TRPV4: variants seen among roughly 807,000 people sequenced by gnomAD.
TRPV4 encodes OSM9-like transient receptor potential channel 4.
Under a neutral mutation model 84.1 loss-of-function variants are expected in TRPV4, and 58 were observed. The ratio of observed to expected loss-of-function variants is 0.69; its 90% CI spans 0.56 to 0.86. The LOEUF (loss-of-function observed/expected upper bound fraction) is 0.86, where lower values mean the gene tolerates loss of function less well. Among genes scored for constraint, TRPV4 ranks in the 40% least tolerant of loss-of-function variants. TRPV4 has a pLI of 0.00. For synonymous variants in TRPV4, 489 were observed against 500.9 expected (o/e 0.98, Z 0.32); for missense variants, 879 against 1,181.1 (o/e 0.74, Z 3.75).
intron 1 of TRPV4, among the ~76,000 whole-genome samples, chr12:109,818,393 G>T (rs779457589): frequency 6.6e-6 from 1 of 151,494 alleles, no homozygotes; most frequent in Non-Finnish European, 1.5e-5. Flanking sequence ...GAGAAAATCT[G>T]CCCTGGAGGT....
At chr12:109,797,858 C>T (rs532347535) in intron 6 of TRPV4, among the ~76,000 whole-genome samples, 1 of 152,170 alleles carries the variant, frequency 6.6e-6, no homozygotes, top group African/African-American at 2.4e-5. Context: ...ATGTGGATCA[C>T]CGCATTTGTC....
At chr12:109,823,232 GTT>G (rs757056146) in intron 1 of TRPV4, among the ~76,000 whole-genome samples, 57 of 152,208 alleles carry the variant, frequency 3.7e-4, no homozygotes, top group Non-Finnish European at 7.2e-4. Context: ...CCCGCTTCCT[GTT>G]TGCTGCACAG....
rs1010506374 is a variant in TRPV4 at position 109,786,792 on chromosome 12, G to A, written c.2254C>T (p.Leu752=). Residue 752 remains leucine (L), a synonymous_variant, in exon 14 of 16, where the codon CTG becomes TTG. Coordinates refer to ENST00000261740, the MANE Select transcript of TRPV4 (RefSeq NM_021625.5). The surrounding 1 kb of genome is among the most constrained non-coding windows in gnomAD (Gnocchi z 4.5). Reference sequence around the variant, plus strand: ...TCCCCAGAGCGGAAGGCCTTCCTCAGGAATACGGGGAAGGAGCGCTCAATG... The same window carrying A: ...TCCCCAGAGCGGAAGGCCTTCCTCAAGAATACGGGGAAGGAGCGCTCAATG... ...LDIERSFPVF[L]RKAFRSGEMV... 1.2e-6 allele frequency: 2 copies of A among 1,613,938 alleles called. No homozygotes were observed. The highest frequency in any genetic ancestry group is 1.7e-6 in the Non-Finnish European group (2 of 1,180,036).
chr12:109,808,426 G>T lies in TRPV4; in HGVS notation c.429C>A (p.Pro143=). 1 of 1,614,106 alleles carries T rather than the reference G, an allele frequency of 6.2e-7. No homozygotes were observed. The highest frequency in any genetic ancestry group is 8.5e-7 in the Non-Finnish European group (1 of 1,179,990). ...GCCGGTTGAAGACTTTGAGGATGGGGGGCGGCTGAGGGGCAGGGGCTTTGG... is the reference window on the plus strand; with the variant it reads ...GCCGGTTGAAGACTTTGAGGATGGGTGGCGGCTGAGGGGCAGGGGCTTTGG... ...QSPKAPAPQP[P]PILKVFNRPI... The change falls in exon 3 of 16, where the codon CCC becomes CCA. Residue 143 remains proline, a synonymous_variant. Transcript: ENST00000261740.
In TRPV4 at chr12:109,783,808, TG is replaced by T. The variant is rs1208026108; in HGVS notation, c.2459-31del. On this transcript the variant is annotated intron_variant, in intron 15 of 15. Coordinates refer to ENST00000261740, the MANE Select transcript of TRPV4 (RefSeq NM_021625.5). This position sits in a 1 kb window ranked among gnomAD's most constrained non-coding sequence, Gnocchi z 4.6. ...ACCGAGAGCACATCAGAGGGAGGGG[TG>T]GGGGTTGGTGGAGAGAGAGCGTGCG... 2 of 1,597,524 alleles carry T rather than the reference TG, an allele frequency of 1.3e-6. No homozygotes were observed. The highest frequency in any genetic ancestry group is 3.4e-5 in the Admixed American group (2 of 58,608).
chr12:109,826,050 G>T (rs923623135), intron 1 of TRPV4, among the ~76,000 whole-genome samples: 3 of 152,138 alleles, frequency 2.0e-5, no homozygotes, highest in Non-Finnish European at 4.4e-5. Context: ...TTGAGACAGG[G>T]TATGGCTTTG....
intron 1 of TRPV4, among the ~76,000 whole-genome samples, chr12:109,819,915 G>T (rs757734628): frequency 6.6e-6 from 1 of 152,144 alleles, no homozygotes; most frequent in Admixed American, 6.5e-5. Flanking sequence ...TCAAAAGCAG[G>T]TTTATATTCA....
chr12:109,792,623 C>A, intron 11 of TRPV4, 29 bp downstream of exon 11: 1 of 1,613,768 alleles, frequency 6.2e-7, no homozygotes, highest in Non-Finnish European at 8.5e-7. Flanking sequence ...CAGGAACACA[C>A]GAGTCCAGAG....
intron 2 of TRPV4, 148 bp from the exon 3 acceptor site, chr12:109,808,616 A>ACTAAGTAATGTTTTATCC: frequency 2.8e-6 from 2 of 707,606 alleles, no homozygotes. Flanking sequence ...GCAGATGTAA[A>ACTAAGTAATGTTTTATCC]AACTAAGTAA....
chr12:109,830,801 A>G, intron 1 of TRPV4, among the ~76,000 whole-genome samples: 1 of 152,202 alleles, frequency 6.6e-6, no homozygotes, highest in African/African-American at 2.4e-5. Context: ...GAAGGAACTC[A>G]AAGGACTTTG....
chr12:109,827,793 A>G (rs1408890261), intron 1 of TRPV4, among the ~76,000 whole-genome samples: 6 of 151,596 alleles, frequency 4.0e-5, no homozygotes, highest in Admixed American at 1.3e-4. Flanking sequence ...CATACACATA[A>G]ACATATAGTC....
At chr12:109,794,569 C>T (rs1890271094) in intron 7 of TRPV4, 82 bp from the exon 8 acceptor site, 1 of 1,406,732 alleles carries the variant, frequency 7.1e-7, no homozygotes, top group Non-Finnish European at 1.0e-6. Flanking sequence ...GTGCCTTCCC[C>T]CACCCTCCAC....
At chr12:109,829,149 G>C (rs913005469) in intron 1 of TRPV4, among the ~76,000 whole-genome samples, 3 of 152,024 alleles carry the variant, frequency 2.0e-5, no homozygotes, top group Non-Finnish European at 4.4e-5. Context: ...TCCAGCCTGA[G>C]CAACAGACTG....
intron 5 of TRPV4, among the ~76,000 whole-genome samples, chr12:109,799,417 G>A (rs1427749579): frequency 6.6e-6 from 1 of 152,230 alleles, no homozygotes; most frequent in African/African-American, 2.4e-5. Flanking sequence ...CCAAAGTGCT[G>A]GGATTACAGG....
At chr12:109,823,702 GA>G (rs1892173566) in intron 1 of TRPV4, among the ~76,000 whole-genome samples, 2 of 152,140 alleles carry the variant, frequency 1.3e-5, no homozygotes, top group South Asian at 4.1e-4. Flanking sequence ...TTGGGGTGAT[GA>G]AAATGTTCTG....
chr12:109,792,924 A>T, intron 10 of TRPV4, 107 bp from the exon 11 acceptor site: 1 of 1,147,432 alleles, frequency 8.7e-7, no homozygotes, highest in East Asian at 2.5e-5. Flanking sequence ...GGACTTCCCA[A>T]TGCCTTCTAG....
intron 1 of TRPV4, among the ~76,000 whole-genome samples, chr12:109,823,214 C>G (rs913074025): frequency 1.3e-5 from 2 of 152,258 alleles, no homozygotes; most frequent in African/African-American, 4.8e-5. Context: ...TAGCAGGTCT[C>G]GGCCCAGCCC....
chr12:109,800,846 G>T, intron 4 of TRPV4, 88 bp from the exon 5 acceptor site: 2 of 360,974 alleles, frequency 5.5e-6, no homozygotes, highest in Non-Finnish European at 9.9e-6. Context: ...GCAGGACGTA[G>T]AAATTGGGGG....
intron 1 of TRPV4, among the ~76,000 whole-genome samples, chr12:109,821,169 G>T (rs1334115987): frequency 1.3e-5 from 2 of 152,266 alleles, no homozygotes; most frequent in Non-Finnish European, 2.9e-5. Flanking sequence ...CTCCGCCCCA[G>T]CGGGGAGGAA....
Sources: gnomAD v4.1 joint callset for allele counts (sites outside exome capture counted in the v4.1 genomes callset) on GRCh38, gnomAD v4.1.1 for gene constraint, Gnocchi (gnomAD v3.1) non-coding constraint, MANE v1.5 for transcripts, NCBI Gene and HGNC (gene_info 2026-07-23, HGNC 2026-07-21) for gene names.